Variants in CTXND2 observed in about 807,000 individuals in gnomAD.
CTXND2 encodes cortexin domain containing 2.
chr1:150,906,989 G>A (rs1291778847), intron 1 of CTXND2, among the ~76,000 whole-genome samples: 1 of 152,016 alleles, frequency 6.6e-6, no homozygotes, highest in Non-Finnish European at 1.5e-5. Context: ...GTAAGACCAG[G>A]TCACCTACTC....
intron 1 of CTXND2, among the ~76,000 whole-genome samples, chr1:150,899,687 G>A (rs1668966458): frequency 6.6e-6 from 1 of 152,144 alleles, no homozygotes; most frequent in Non-Finnish European, 1.5e-5. Flanking sequence ...GCCTGATGCA[G>A]TGGCTCATGC....
chr1:150,905,977 G>A lies in CTXND2; in HGVS notation c.-73-6265G>A, dbSNP rs112438908. On this transcript the variant is annotated intron_variant, in intron 1 of 1. Coordinates refer to ENST00000636087, the Ensembl canonical transcript of CTXND2. ...TGCACTCCAGGCTGGGCGACAGAGC[G>A]AGACTCCATCTCAAAAAAAAAAGAA... is the stretch of plus-strand genomic sequence containing the variant. Among the ~76,000 whole-genome samples, 1,289 of 150,486 alleles carry A rather than the reference G, an allele frequency of 8.6e-3. 7 individuals are homozygous for A. Among genetic ancestry groups the A allele is most frequent in the Non-Finnish European group, 0.012 (808 of 67,700 alleles).
chr1:150,898,905 G>A (rs1196334543), intron 1 of CTXND2, among the ~76,000 whole-genome samples: 1 of 136,230 alleles, frequency 7.3e-6, no homozygotes, highest in Non-Finnish European at 1.6e-5. Context: ...GTGAAACCCT[G>A]TCTCTACTAA....
intron 1 of CTXND2, among the ~76,000 whole-genome samples, chr1:150,911,888 G>A (rs1465762805): frequency 6.6e-6 from 1 of 152,156 alleles, no homozygotes; most frequent in East Asian, 1.9e-4. Context: ...GGTACAATAA[G>A]TACTCTTGGA....
At chr1:150,895,297 C>T (rs909479146) in intron 1 of CTXND2, among the ~76,000 whole-genome samples, 1 of 151,866 alleles carries the variant, frequency 6.6e-6, no homozygotes, top group African/African-American at 2.4e-5. Context: ...GTCTGCCCAA[C>T]ATCCAACTAC....
chr1:150,910,631 T>A (rs1044681388), intron 1 of CTXND2, among the ~76,000 whole-genome samples: 1 of 119,192 alleles, frequency 8.4e-6, no homozygotes, highest in African/African-American at 4.7e-5. Context: ...GGACTCTCAA[T>A]TTTTTTTTTT....
At chr1:150,906,180 T>C (rs1380058287) in intron 1 of CTXND2, among the ~76,000 whole-genome samples, 1 of 151,600 alleles carries the variant, frequency 6.6e-6, no homozygotes, top group Admixed American at 6.6e-5. Flanking sequence ...GCACCTGTAG[T>C]CACAGCTATC....
chr1:150,902,202 C>A lies in CTXND2; in HGVS notation c.-73-10040C>A, dbSNP rs1032565338. 2.6e-5 allele frequency among the ~76,000 whole-genome samples: 4 copies of A among 151,994 alleles called. No individual in the cohort carries two copies. In the East Asian group the frequency reaches 7.7e-4, roughly 29 times the overall value. ...AGATCACAAGGTCAGGATATTGAGA[C>A]CATCCTGGATAACACAGTGAAACCC... On this transcript the variant is annotated intron_variant, in intron 1 of 1. Coordinates refer to ENST00000636087, the Ensembl canonical transcript of CTXND2.
chr1:150,903,227 T>A (rs1002807889), intron 1 of CTXND2, among the ~76,000 whole-genome samples: 3 of 152,128 alleles, frequency 2.0e-5, no homozygotes, highest in African/African-American at 7.2e-5. Context: ...AAAATCACCC[T>A]TCTGTTAAGT....
chr1:150,899,056 C>T (rs1668956846), intron 1 of CTXND2, among the ~76,000 whole-genome samples: 1 of 151,194 alleles, frequency 6.6e-6, no homozygotes, highest in Admixed American at 6.6e-5. Flanking sequence ...TGAGATCACG[C>T]CACTGCACTC....
Position 150,893,896 on chromosome 1 carries a change from C to T in CTXND2, c.-74+6583C>T, listed in dbSNP as rs587757302. 5.9e-5 allele frequency among the ~76,000 whole-genome samples: 9 copies of T among 152,256 alleles called. No homozygotes were observed. The South Asian group carries it at 1.9e-3, about 32-fold the overall frequency. On this transcript the variant is annotated intron_variant, in intron 1 of 1. Coordinates refer to ENST00000636087, the Ensembl canonical transcript of CTXND2. ...GCAAAAATTCAAAAAATTGCACCCT[C>T]AGGCATAAATGGGTTAAAGGAGCTC...
At chr1:150,905,451 T>G (rs1046941044) in intron 1 of CTXND2, among the ~76,000 whole-genome samples, 1 of 152,040 alleles carries the variant, frequency 6.6e-6, no homozygotes, top group Non-Finnish European at 1.5e-5. Context: ...CGGCCTTATC[T>G]GCCCATTCCA....
At chr1:150,905,649 G>A (rs1197982490) in intron 1 of CTXND2, among the ~76,000 whole-genome samples, 1 of 152,084 alleles carries the variant, frequency 6.6e-6, no homozygotes, top group Admixed American at 6.6e-5. Context: ...AGATGGCGTA[G>A]TCAATCGTAT....
Position 150,900,331 on chromosome 1 carries a change from A to C in CTXND2, c.-73-11911A>C, listed in dbSNP as rs587679902. Among the ~76,000 whole-genome samples, 146 of 152,114 alleles carry C rather than the reference A, an allele frequency of 9.6e-4. 1 individual carries two copies. The highest frequency in any genetic ancestry group is 1.7e-3 in the Non-Finnish European group (113 of 67,994). On this transcript the variant is annotated intron_variant, in intron 1 of 1. Coordinates refer to ENST00000636087, the Ensembl canonical transcript of CTXND2. ...TGCGAAGGTCTGCGGCTTCACTCCT[A>C]AAGTCAAGCAAGACCACAAACCCAC...
At chr1:150,899,136 A>G (rs957915128) in intron 1 of CTXND2, among the ~76,000 whole-genome samples, 35 of 149,446 alleles carry the variant, frequency 2.3e-4, no homozygotes, top group Non-Finnish European at 4.3e-4. Context: ...AAATAAACAA[A>G]CAAACAATAA....
chr1:150,913,196 G>A (rs948158350), exon 2 of CTXND2: 3 of 152,094 alleles, frequency 2.0e-5, no homozygotes, highest in East Asian at 3.8e-4. Flanking sequence ...GACTCCCCTA[G>A]AGATTCTGGT....
intron 1 of CTXND2, chr1:150,904,261 T>C (rs1213053808): frequency 7.7e-6 from 4 of 519,958 alleles, no homozygotes; most frequent in Non-Finnish European, 1.1e-5. Context: ...CTCATGAATT[T>C]TTCATGTGTA....
At chr1:150,898,154 T>G (rs970898125) in intron 1 of CTXND2, among the ~76,000 whole-genome samples, 3 of 59,870 alleles carry the variant, frequency 5.0e-5, no homozygotes, top group Non-Finnish European at 1.1e-4. Context: ...AGATGTGGGG[T>G]TTTTTTTTTT....
intron 1 of CTXND2, chr1:150,903,780 G>A (rs1471065867): frequency 2.1e-5 from 8 of 381,824 alleles, no homozygotes; most frequent in Admixed American, 1.3e-4. Context: ...CAGCCTGAGC[G>A]ACAGTGTGAA....
Sources: gnomAD v4.1 joint callset for allele counts (sites outside exome capture counted in the v4.1 genomes callset) on GRCh38, gnomAD v4.1.1 for gene constraint, MANE v1.5 for transcripts, NCBI Gene and HGNC (gene_info 2026-07-23, HGNC 2026-07-21) for gene names.